TMPRSS15: variants seen among roughly 807,000 people sequenced by gnomAD.
The protein encoded by TMPRSS15 is transmembrane serine protease 15.
TMPRSS15 carries 128 observed loss-of-function variants against 125.3 expected under a neutral mutation model. That is an observed-to-expected ratio of 1.02 (90% CI 0.89 to 1.18). The LOEUF is 1.18. TMPRSS15 is among the 50% of genes most tolerant of loss of function. The probability of loss-of-function intolerance (pLI) is 0.00; values close to 1 mark genes in which losing one functional copy is unlikely to be tolerated. For synonymous variants in TMPRSS15, 446 were observed against 423.2 expected (o/e 1.05, Z -0.66); for missense variants, 1,283 against 1,212.7 (o/e 1.06, Z -0.86).
intron 4 of TMPRSS15, among the ~76,000 whole-genome samples, chr21:18,381,510 G>A (rs1461578917): frequency 2.6e-5 from 4 of 152,024 alleles, no homozygotes; most frequent in South Asian, 4.1e-4. Context: ...ACTTGGTACC[G>A]TGTTTATAAA....
At chr21:18,480,120 C>T (rs1978954709) in intron 1 of TMPRSS15, among the ~76,000 whole-genome samples, 1 of 152,032 alleles carries the variant, frequency 6.6e-6, no homozygotes, top group African/African-American at 2.4e-5. Flanking sequence ...CCATCATTCT[C>T]AGCAAACCAA....
upstream of TMPRSS15, among the ~76,000 whole-genome samples, chr21:18,405,667 A>G (rs1015757167): frequency 2.0e-5 from 3 of 152,164 alleles, no homozygotes; most frequent in South Asian, 2.1e-4. Context: ...TCTTCAATAC[A>G]TAGCGCCGCA....
intron 12 of TMPRSS15, among the ~76,000 whole-genome samples, chr21:18,342,162 A>G (rs878950581): frequency 6.6e-6 from 1 of 152,212 alleles, no homozygotes; most frequent in Admixed American, 6.5e-5. Context: ...CAGAGGTAAC[A>G]TATTAGGTTC....
chr21:18,433,679 A>G (rs1039322459), intron 1 of TMPRSS15, among the ~76,000 whole-genome samples: 2 of 151,202 alleles, frequency 1.3e-5, no homozygotes, highest in African/African-American at 2.4e-5. Context: ...AAAAAAAAAA[A>G]AAAAAAAGAA....
intron 1 of TMPRSS15, among the ~76,000 whole-genome samples, chr21:18,430,497 C>G (rs758831365): frequency 2.6e-5 from 4 of 151,974 alleles, no homozygotes; most frequent in Non-Finnish European, 5.9e-5. Flanking sequence ...GTGGTGGTTG[C>G]TCAACCAAAA....
intron 19 of TMPRSS15, among the ~76,000 whole-genome samples, chr21:18,297,089 T>G (rs2074916200): frequency 6.6e-6 from 1 of 152,178 alleles, no homozygotes; most frequent in African/African-American, 2.4e-5. Context: ...CAGAAGCCAA[T>G]TTCAACAAAA....
chr21:18,401,670 A>T (rs2076095691), intron 1 of TMPRSS15, among the ~76,000 whole-genome samples: 2 of 152,090 alleles, frequency 1.3e-5, no homozygotes, highest in Admixed American at 6.6e-5. Flanking sequence ...TCATACCCCA[A>T]ACCTCAATAT....
intron 21 of TMPRSS15, among the ~76,000 whole-genome samples, chr21:18,282,097 CAAAAAAAAAAAA>C (rs954911028): frequency 5.6e-4 from 14 of 24,960 alleles, no homozygotes; most frequent in East Asian, 1.5e-3. Context: ...GACTCCGCCT[CAAAAAAAAAAAA>C]AAAAAAAAAA....
intron 1 of TMPRSS15, among the ~76,000 whole-genome samples, chr21:18,420,000 T>C (rs1447824006): frequency 6.6e-6 from 1 of 152,244 alleles, no homozygotes; most frequent in Non-Finnish European, 1.5e-5. Context: ...TTTTGTTTGC[T>C]ACTGGGACCT....
At chr21:18,317,770 AT>A (rs2075183191) in intron 16 of TMPRSS15, among the ~76,000 whole-genome samples, 4 of 90,100 alleles carry the variant, frequency 4.4e-5, no homozygotes, top group Non-Finnish European at 9.2e-5. Context: ...ATCCCATCCC[AT>A]CCCATCCCAT....
Position 18,467,133 on chromosome 21 carries a change from A to G in TMPRSS15, c.10+18666T>C, listed in dbSNP as rs190331007. On this transcript the variant is annotated intron_variant, in intron 1 of 7. Transcript: ENST00000422787. ...AGGGACATGGATGAAGCTGGAAACC[A>G]TCATTCTCAGCAAACTAACACAGGA... Among the ~76,000 whole-genome samples, 897 of 152,266 alleles carry G rather than the reference A, an allele frequency of 5.9e-3. 6 individuals carry two copies. The highest frequency in any genetic ancestry group is 8.9e-3 in the Non-Finnish European group (608 of 68,018).
chr21:18,350,513 C>T (rs2824761), intron 10 of TMPRSS15, among the ~76,000 whole-genome samples: 21,516 of 152,066 alleles, frequency 0.14, 1,682 homozygotes, highest in Middle Eastern at 0.21. Flanking sequence ...CTCTTGCCCT[C>T]GCACAAACTA....
At chr21:18,354,378 TG>T (rs1342579386) in intron 8 of TMPRSS15, among the ~76,000 whole-genome samples, 3 of 151,818 alleles carry the variant, frequency 2.0e-5, no homozygotes, top group African/African-American at 7.2e-5. Flanking sequence ...CATTTTATAT[TG>T]ATGTAACATT....
At chr21:18,427,559 T>G (rs943737786) in intron 1 of TMPRSS15, among the ~76,000 whole-genome samples, 1 of 152,194 alleles carries the variant, frequency 6.6e-6, no homozygotes, top group African/African-American at 2.4e-5. Context: ...GCAAAAACAT[T>G]CATTACTACT....
intron 10 of TMPRSS15, among the ~76,000 whole-genome samples, chr21:18,350,312 G>C (rs146416585): frequency 1.1e-3 from 171 of 152,214 alleles, no homozygotes; most frequent in African/African-American, 3.3e-3. Context: ...TTACGGGGTT[G>C]GCAATTTACA....
At chr21:18,274,036 G>T (rs2074591121) in intron 24 of TMPRSS15, among the ~76,000 whole-genome samples, 1 of 152,132 alleles carries the variant, frequency 6.6e-6, no homozygotes, top group South Asian at 2.1e-4. Context: ...ATTTTCCTAT[G>T]ACATAAACTG....
At chr21:18,363,313 C>T (rs1438905408) in intron 7 of TMPRSS15, among the ~76,000 whole-genome samples, 2 of 151,694 alleles carry the variant, frequency 1.3e-5, no homozygotes, top group Admixed American at 1.3e-4. Flanking sequence ...AAAATAGTTT[C>T]AAAAATTAAG....
chr21:18,382,333 TAGAC>T (rs1330095223), intron 4 of TMPRSS15, among the ~76,000 whole-genome samples: 2 of 152,148 alleles, frequency 1.3e-5, no homozygotes, highest in African/African-American at 4.8e-5. Context: ...AGATTTAAAA[TAGAC>T]AGTCTCTGCT....
At chr21:18,280,927 T>TAAC in intron 22 of TMPRSS15, 113 bp downstream of exon 22, 1 of 1,159,756 alleles carries the variant, frequency 8.6e-7, no homozygotes, top group Non-Finnish European at 1.3e-6. Context: ...ATGATTTATG[T>TAAC]AACAAATTAT....
Sources: allele counts gnomAD v4.1 joint callset (sites outside exome capture counted in the v4.1 genomes callset), GRCh38; gene constraint gnomAD v4.1.1; transcripts MANE v1.5; gene names NCBI Gene and HGNC (gene_info 2026-07-23, HGNC 2026-07-21).